CNBD1: variants seen among roughly 807,000 people sequenced by gnomAD.
The protein encoded by CNBD1 is cyclic nucleotide-binding domain-containing protein 1.
In CNBD1, 71 loss-of-function variants were observed where a neutral mutation model predicts 54.4. That is an observed-to-expected ratio of 1.30 (90% CI 1.08 to 1.59). CNBD1 has a LOEUF of 1.59. Ranked by LOEUF, CNBD1 falls within the 40% of genes most tolerant of loss-of-function variation. The pLI is 0.00. For synonymous variants in CNBD1, 182 were observed against 170.7 expected (o/e 1.07, Z -0.51); for missense variants, 659 against 518.0 (o/e 1.27, Z -2.64).
At chr8:87,058,391 C>CT (rs1377935741) in intron 4 of CNBD1, among the ~76,000 whole-genome samples, 1 of 152,214 alleles carries the variant, frequency 6.6e-6, no homozygotes, top group East Asian at 1.9e-4. Flanking sequence ...CACAGCTCCA[C>CT]TAGGCAGTGT....
rs1376604538 is a variant in CNBD1, at chr8:87,272,847, TTTAAA to T, written c.772-11827_772-11823del. ...GCTAACTTTAAAAAATTTATGATTA[TTTAAA>T]TTAGTCACTAACAACTTCTTTAATT... On this transcript the variant is annotated intron_variant, in intron 6 of 10. Transcript: ENST00000518476. Among the ~76,000 whole-genome samples the T allele has an allele frequency of 3.3e-5, 5 of 152,008 alleles. No individual in the cohort carries two copies. The East Asian group carries it at 9.6e-4, about 29-fold the overall frequency.
chr8:87,181,699 T>C (rs1417658259), intron 4 of CNBD1, among the ~76,000 whole-genome samples: 2 of 152,190 alleles, frequency 1.3e-5, no homozygotes, highest in East Asian at 3.8e-4. Context: ...TTCTGAGGTT[T>C]TTTCCTTGAT....
At chr8:87,343,566 C>G (rs1166571772) in intron 8 of CNBD1, among the ~76,000 whole-genome samples, 1 of 152,194 alleles carries the variant, frequency 6.6e-6, no homozygotes, top group Non-Finnish European at 1.5e-5. Context: ...ATACTCTTGT[C>G]AACATCTCCT....
At chr8:87,097,663 G>A (rs1811346916) in intron 4 of CNBD1, among the ~76,000 whole-genome samples, 3 of 152,170 alleles carry the variant, frequency 2.0e-5, no homozygotes, top group Admixed American at 1.3e-4. Context: ...TTGTCATGCT[G>A]ATTCCCTCTG....
intron 4 of CNBD1, among the ~76,000 whole-genome samples, chr8:86,966,551 A>G (rs1219125489): frequency 6.6e-6 from 1 of 152,104 alleles, no homozygotes; most frequent in African/African-American, 2.4e-5. Context: ...TACAGCTCTT[A>G]AAGGTGGCAC....
At chr8:86,941,487 G>T (rs1809655909) in intron 4 of CNBD1, among the ~76,000 whole-genome samples, 1 of 152,094 alleles carries the variant, frequency 6.6e-6, no homozygotes. Flanking sequence ...AGGTTGTGCT[G>T]GGCTGTAAGA....
intron 4 of CNBD1, among the ~76,000 whole-genome samples, chr8:86,980,236 G>A (rs1024108749): frequency 6.6e-6 from 1 of 152,176 alleles, no homozygotes; most frequent in East Asian, 1.9e-4. Flanking sequence ...GACCTCCAAG[G>A]TGCTTATTTC....
rs115414785 is a variant in CNBD1 at position 87,247,991 on chromosome 8, T to A, written c.771+10879T>A. ...AAAGCTGTCCAGTCATGGAAGCCACTTCATCCATGCATACTTACACAAAAT... is the reference window on the plus strand; with the variant it reads ...AAAGCTGTCCAGTCATGGAAGCCACATCATCCATGCATACTTACACAAAAT... On this transcript the variant is annotated intron_variant, in intron 6 of 10. Transcript: ENST00000518476. Among the ~76,000 whole-genome samples, 1,304 of 152,308 alleles carry A rather than the reference T, an allele frequency of 8.6e-3. 34 individuals are homozygous for A. The highest frequency in any genetic ancestry group is 0.03 in the African/African-American group (1,227 of 41,558).
chr8:86,946,796 A>C (rs1004645193), intron 4 of CNBD1, among the ~76,000 whole-genome samples: 2 of 152,154 alleles, frequency 1.3e-5, no homozygotes, highest in Non-Finnish European at 2.9e-5. Flanking sequence ...GATTTCATTA[A>C]AAGATTTAAT....
chr8:87,385,836 C>A (rs1030669162), downstream of CNBD1, among the ~76,000 whole-genome samples: 5 of 152,154 alleles, frequency 3.3e-5, no homozygotes, highest in Admixed American at 6.5e-5. Context: ...GGGTCCCTGA[C>A]CCCCGAGTAG....
chr8:87,355,318 G>A (rs1408083302), intron 10 of CNBD1, among the ~76,000 whole-genome samples: 1 of 151,936 alleles, frequency 6.6e-6, no homozygotes, highest in Admixed American at 6.6e-5. Context: ...TTCTTTTCTG[G>A]GACATCTTCT....
In CNBD1 at chr8:87,428,569, C is replaced by T. The variant is rs1187206687; in HGVS notation, c.238C>T (p.Leu80Phe). ...AGAATTAGACCCAGTGACCAAGCAACTTATGCTCCAAACAGCTAAACCAAC... is the reference window on the plus strand; with the variant it reads ...AGAATTAGACCCAGTGACCAAGCAATTTATGCTCCAAACAGCTAAACCAAC... Residue 80 changes from leucine (L) to phenylalanine (F), a missense_variant, in exon 3 of 8, where the codon CTT becomes TTT. By Grantham distance (22) the Leu-to-Phe change is conservative (BLOSUM62 0). Transcript: ENST00000521593. 3 of 454,238 alleles carry T rather than the reference C, an allele frequency of 6.6e-6. No homozygotes were observed. In the East Asian group the frequency reaches 2.1e-4, roughly 32 times the overall value. The allele number at this position is 454,238 out of a possible 1,614,324, so 28.1% of individuals were successfully genotyped here.
At chr8:87,171,306 G>C (rs985220251) in intron 4 of CNBD1, among the ~76,000 whole-genome samples, 1 of 151,752 alleles carries the variant, frequency 6.6e-6, no homozygotes, top group African/African-American at 2.4e-5. Flanking sequence ...TATGTTGGTG[G>C]CATATAGTTC....
intron 4 of CNBD1, among the ~76,000 whole-genome samples, chr8:86,951,683 C>G (rs1443400199): frequency 8.9e-6 from 1 of 112,086 alleles, no homozygotes; most frequent in African/African-American, 3.4e-5. Context: ...TATAGAACAA[C>G]AAAAGACATC....
At chr8:86,947,358 GTGACTCTACCTATTTGA>G (rs912217953) in intron 4 of CNBD1, among the ~76,000 whole-genome samples, 3 of 152,180 alleles carry the variant, frequency 2.0e-5, no homozygotes, top group African/African-American at 7.2e-5. Flanking sequence ...AAATGTGTGT[GTGACTCTACCTATTTGA>G]TGGCTTACAT....
chr8:87,283,915 T>C (rs921814506), intron 6 of CNBD1, among the ~76,000 whole-genome samples: 3 of 152,100 alleles, frequency 2.0e-5, no homozygotes, highest in African/African-American at 7.2e-5. Flanking sequence ...AAATTTCCTC[T>C]ATATATTTGG....
chr8:87,216,513 A>G (rs1814215078), intron 5 of CNBD1, among the ~76,000 whole-genome samples: 2 of 152,198 alleles, frequency 1.3e-5, no homozygotes, highest in Admixed American at 1.3e-4. Context: ...TTTATTTCTT[A>G]TAGATTTTCT....
At chr8:86,973,821 G>A (rs895133275) in intron 4 of CNBD1, among the ~76,000 whole-genome samples, 14 of 152,102 alleles carry the variant, frequency 9.2e-5, no homozygotes, top group South Asian at 2.1e-4. Flanking sequence ...AAAAGGAGGG[G>A]ATAAAAGAAA....
intron 8 of CNBD1, among the ~76,000 whole-genome samples, chr8:87,318,450 G>A (rs938266775): frequency 2.0e-5 from 3 of 152,036 alleles, no homozygotes; most frequent in Non-Finnish European, 2.9e-5. Flanking sequence ...CCCCACTGCT[G>A]AGGAAAAACT....
Sources: allele counts gnomAD v4.1 joint callset (sites outside exome capture counted in the v4.1 genomes callset), GRCh38; gene constraint gnomAD v4.1.1; transcripts MANE v1.5; gene names NCBI Gene and HGNC (gene_info 2026-07-23, HGNC 2026-07-21).